The following MALT1 variants were observed in gnomAD, a reference collection of about 807,000 sequenced individuals.
MALT1 encodes the protein mucosa-associated lymphoid tissue lymphoma translocation protein 1.
Under a neutral mutation model 85.5 loss-of-function variants are expected in MALT1, and 36 were observed. The observed-to-expected ratio is 0.42, with a 90% confidence interval of 0.32 to 0.56. MALT1 has a LOEUF of 0.56. Ranked by LOEUF, MALT1 falls within the 20% of genes least tolerant of loss-of-function variation. The pLI is 0.10. For missense variants in MALT1, 716 were observed against 981.6 expected (o/e 0.73, Z 3.62); for synonymous variants, 359 against 361.3 (o/e 0.99, Z 0.07).
intron 1 of MALT1, chr18:58,675,578 AATTC>A (rs1245105286): frequency 3.3e-5 from 5 of 152,184 alleles, no homozygotes; most frequent in African/African-American, 1.2e-4. Context: ...TTATTATTGA[AATTC>A]ATTCAGTAAT....
At chr18:58,678,765 C>T (rs559352322) in intron 1 of MALT1, among the ~76,000 whole-genome samples, 85 of 152,250 alleles carry the variant, frequency 5.6e-4, no homozygotes, top group African/African-American at 1.9e-3. Flanking sequence ...CCCAGAATAT[C>T]TAAAATATAT....
chr18:58,671,594 G>A lies in MALT1; in HGVS notation c.-50G>A. The A allele has an allele frequency of 8.5e-7, 1 of 1,171,140 alleles. No individual in the cohort carries two copies. The highest frequency in any genetic ancestry group is 1.1e-6 in the Non-Finnish European group (1 of 939,054). The allele number at this position is 1,171,140 out of a possible 1,614,324, so 72.5% of individuals were successfully genotyped here. A position where few individuals can be genotyped will look rare whatever the true frequency, so the allele number is the denominator to read the frequency against. ...GGAAGGTGCCCCGGGGCCGAGGCCC[G>A]TGACGGGGCGGGCGGGAGCCCCGGC... is the stretch of plus-strand genomic sequence containing the variant. On this transcript the variant is annotated 5_prime_UTR_variant, in exon 1 of 17. The change creates a new upstream start codon in the 5' untranslated region. Transcript: ENST00000649217.
Position 58,748,928 on chromosome 18 carries a change from A to T in MALT1, c.*1086A>T, listed in dbSNP as rs2055410541. On this transcript the variant is annotated 3_prime_UTR_variant, in exon 17 of 17. Transcript: ENST00000649217. ...AACACTTCCCAACTTACTCTAGGTC[A>T]GTATTACCCTGATACTAGACTAGAC... 9.6e-6 allele frequency: 2 copies of T among 208,144 alleles called. No individual in the cohort carries two copies. Among genetic ancestry groups the T allele is most frequent in the African/African-American group, 4.5e-5 (2 of 43,966 alleles). The allele number at this position is 208,144 out of a possible 1,614,324, so 12.9% of individuals were successfully genotyped here.
chr18:58,736,269 C>G (rs531606723), intron 13 of MALT1, among the ~76,000 whole-genome samples: 1 of 152,158 alleles, frequency 6.6e-6, no homozygotes, highest in Non-Finnish European at 1.5e-5. Flanking sequence ...ATGTTTTTAT[C>G]TGTGTAGCTA....
chr18:58,681,317 T>C lies in MALT1; in HGVS notation c.357T>C (p.Leu119=). 6.2e-7 allele frequency: 1 copy of C among 1,613,688 alleles called. No homozygotes were observed. The highest frequency in any genetic ancestry group is 8.5e-7 in the Non-Finnish European group (1 of 1,179,814). Residue 119 remains leucine (L), a synonymous_variant, in exon 2 of 17, where the codon CTT becomes CTC. Transcript: ENST00000649217. Reference sequence around the variant, plus strand: ...AGGCTATGGAACACACTGAAGTTCTTCAGCTTCTCAGCCCCCCAGGTAGGT... The same window carrying C: ...AGGCTATGGAACACACTGAAGTTCTCCAGCTTCTCAGCCCCCCAGGTAGGT... The part of the protein sequence containing the change: ...FLQAMEHTEV[L]QLLSPPGIKI...
intron 3 of MALT1, among the ~76,000 whole-genome samples, chr18:58,699,913 G>A (rs1568133704): frequency 6.6e-6 from 1 of 152,224 alleles, no homozygotes; most frequent in African/African-American, 2.4e-5. Context: ...AGACCTTGAA[G>A]GAGATTGGAT....
intron 10 of MALT1, among the ~76,000 whole-genome samples, chr18:58,727,104 A>G (rs1330436426): frequency 1.3e-5 from 2 of 152,198 alleles, no homozygotes; most frequent in East Asian, 3.8e-4. Flanking sequence ...AATGCTCAAA[A>G]TATTGTACCT....
At chr18:58,692,043 CAAAAAAAAAAAAA>C (rs56255300) in intron 2 of MALT1, 7 of 62,558 alleles carry the variant, frequency 1.1e-4, no homozygotes, top group South Asian at 6.5e-4. Flanking sequence ...GACTCCGTCT[CAAAAAAAAAAAAA>C]AAAAAAAAAA....
intron 8 of MALT1, among the ~76,000 whole-genome samples, chr18:58,714,743 G>A (rs2054876948): frequency 6.6e-6 from 1 of 152,148 alleles, no homozygotes; most frequent in Non-Finnish European, 1.5e-5. Flanking sequence ...AGAACTACAT[G>A]AAGACACAGG....
chr18:58,699,724 T>C (rs1039213073), intron 3 of MALT1, among the ~76,000 whole-genome samples: 4 of 152,248 alleles, frequency 2.6e-5, no homozygotes, highest in African/African-American at 9.6e-5. Flanking sequence ...AAGGGAGTTA[T>C]TGTAATGAGG....
intron 1 of MALT1, among the ~76,000 whole-genome samples, chr18:58,679,896 T>A (rs1328665295): frequency 6.6e-6 from 1 of 152,130 alleles, no homozygotes; most frequent in Non-Finnish European, 1.5e-5. Flanking sequence ...TAAATATACT[T>A]TTTAAAAATT....
intron 3 of MALT1, chr18:58,697,393 G>C (rs2054605633): frequency 6.6e-6 from 1 of 152,126 alleles, no homozygotes; most frequent in South Asian, 2.1e-4. Flanking sequence ...GAGCAACTGT[G>C]GAATGTAGTA....
intron 10 of MALT1, among the ~76,000 whole-genome samples, chr18:58,727,616 G>GGTTTTTTTT (rs1555688173): frequency 2.5e-5 from 3 of 121,264 alleles, no homozygotes; most frequent in African/African-American, 9.8e-5. Context: ...GGTTTTTTGT[G>GGTTTTTTTT]TTTTTTTTTT....
rs552082869 is a variant in MALT1, at chr18:58,751,351, A to T, written c.*3509A>T. The T allele has an allele frequency of 6.6e-6, 1 of 152,094 alleles. No individual in the cohort carries two copies. Among genetic ancestry groups the T allele is most frequent in the Non-Finnish European group, 1.5e-5 (1 of 68,062 alleles). 9.4% of individuals were successfully genotyped at this position (152,094 alleles called of 1,614,324 possible). A position where few individuals can be genotyped will look rare whatever the true frequency, so the allele number is the denominator to read the frequency against. On this transcript the variant is annotated 3_prime_UTR_variant, in exon 17 of 17. Coordinates refer to ENST00000649217, the MANE Select transcript of MALT1 (RefSeq NM_006785.4). ...GTAATCCCAGCTACTAGGGAGGCTG[A>T]GGCAGGAGAATCGTACTTCCCCTTT...
chr18:58,671,774 T>C lies in MALT1; in HGVS notation c.131T>C (p.Leu44Pro). Residue 44 changes from leucine (L) to proline (P), a missense_variant, in exon 1 of 17, where the codon CTC (leucine) becomes CCC (proline). This residue lies in a region of MALT1 where 80 missense variants were observed against 65.1 expected (regional missense o/e 1.23). Transcript: ENST00000649217. ...CCGCTGCTGCGGAGGCTCAGCGAGCTCCTGGATCAGGCGCCCGAGGGCCGG... is the reference window on the plus strand; with the variant it reads ...CCGCTGCTGCGGAGGCTCAGCGAGCCCCTGGATCAGGCGCCCGAGGGCCGG... Reference protein sequence around the residue: ...REPLLRRLSELLDQAPEGRGW... With the variant: ...REPLLRRLSEPLDQAPEGRGW... 8.0e-7 allele frequency: 1 copy of C among 1,257,114 alleles called. No homozygotes were observed. Among genetic ancestry groups the C allele is most frequent in the Non-Finnish European group, 1.0e-6 (1 of 1,002,220 alleles). 77.9% of individuals were successfully genotyped at this position (1,257,114 alleles called of 1,614,324 possible). A position where few individuals can be genotyped will look rare whatever the true frequency, so the allele number is the denominator to read the frequency against.
chr18:58,674,360 CAA>C (rs1253222896), intron 1 of MALT1, among the ~76,000 whole-genome samples: 2 of 152,194 alleles, frequency 1.3e-5, no homozygotes, highest in East Asian at 1.9e-4. Context: ...AGTTGCCTAA[CAA>C]GAGGTGGCAA....
At chr18:58,702,220 C>CA (rs11380709) in intron 4 of MALT1, among the ~76,000 whole-genome samples, 19,586 of 114,480 alleles carry the variant, frequency 0.17, 1,855 homozygotes, top group African/African-American at 0.25. Flanking sequence ...AAAAAAAATG[C>CA]AAAAAAAAAA....
chr18:58,678,262 T>G (rs567569496), intron 1 of MALT1, among the ~76,000 whole-genome samples: 3 of 152,340 alleles, frequency 2.0e-5, no homozygotes, highest in Non-Finnish European at 4.4e-5. Flanking sequence ...TGAATGAGGA[T>G]TAATATTTCA....
intron 9 of MALT1, among the ~76,000 whole-genome samples, chr18:58,722,436 C>G (rs533649323): frequency 1.1e-4 from 17 of 152,182 alleles, no homozygotes; most frequent in Non-Finnish European, 2.2e-4. Flanking sequence ...TCACATACCC[C>G]TGAAATAGCC....
Sources: gnomAD v4.1 joint callset for allele counts (sites outside exome capture counted in the v4.1 genomes callset) on GRCh38, gnomAD v4.1.1 for gene constraint, gnomAD v4.1.1 regional missense constraint, MANE v1.5 for transcripts, NCBI Gene and HGNC (gene_info 2026-07-23, HGNC 2026-07-21) for gene names.